FARS2: variants seen among roughly 807,000 people sequenced by gnomAD.
The protein encoded by FARS2 is phenylalanine--tRNA ligase, mitochondrial.
Under a neutral mutation model 46.4 loss-of-function variants are expected in FARS2, and 40 were observed. The observed-to-expected ratio is 0.86, with a 90% CI of 0.67 to 1.12. The LOEUF (loss-of-function observed/expected upper bound fraction) is 1.12, where lower values mean the gene tolerates loss of function less well. FARS2 is among the 50% of genes most tolerant of loss of function. The probability of loss-of-function intolerance (pLI) is 0.00; values close to 1 mark genes in which losing one functional copy is unlikely to be tolerated. For missense variants in FARS2, 513 were observed against 567.9 expected (o/e 0.90, Z 0.98); for synonymous variants, 234 against 214.9 (o/e 1.09, Z -0.78).
At chr6:5,543,373 G>A (rs1312900209) in intron 4 of FARS2, among the ~76,000 whole-genome samples, 1 of 116,046 alleles carries the variant, frequency 8.6e-6, no homozygotes, top group Non-Finnish European at 1.8e-5. Flanking sequence ...TGTTGTTGGT[G>A]GTGGTTTTTT....
chr6:5,596,072 G>A (rs909896642), intron 5 of FARS2, among the ~76,000 whole-genome samples: 3 of 152,198 alleles, frequency 2.0e-5, no homozygotes, highest in African/African-American at 7.2e-5. Flanking sequence ...ATTCAATGAG[G>A]TAAGGATATT....
chr6:5,520,172 T>C (rs1222468976), intron 4 of FARS2, among the ~76,000 whole-genome samples: 8 of 152,180 alleles, frequency 5.3e-5, no homozygotes, highest in Admixed American at 5.2e-4. Context: ...AAAGATTGAG[T>C]TTGAACTGAA....
intron 5 of FARS2, among the ~76,000 whole-genome samples, chr6:5,568,406 C>G (rs1582468184): frequency 6.6e-6 from 1 of 152,172 alleles, no homozygotes; most frequent in East Asian, 1.9e-4. Context: ...TGCTCTTGTG[C>G]CAGGCACCGT....
chr6:5,557,635 G>C (rs893498062), intron 5 of FARS2, among the ~76,000 whole-genome samples: 1 of 152,118 alleles, frequency 6.6e-6, no homozygotes, highest in Non-Finnish European at 1.5e-5. Flanking sequence ...TCTTGTTACT[G>C]TAGATATTTT....
intron 2 of FARS2, among the ~76,000 whole-genome samples, chr6:5,373,561 G>A (rs1442993655): frequency 1.3e-5 from 2 of 152,116 alleles, no homozygotes; most frequent in African/African-American, 4.8e-5. Flanking sequence ...TAAGTACTAG[G>A]AAATGTTTAA....
intron 6 of FARS2, among the ~76,000 whole-genome samples, chr6:5,614,271 T>A (rs889528324): frequency 1.5e-4 from 23 of 152,258 alleles, no homozygotes; most frequent in Middle Eastern, 3.4e-3. Flanking sequence ...GAAGAAACAG[T>A]CACCAAATCC....
intron 6 of FARS2, among the ~76,000 whole-genome samples, chr6:5,770,195 C>T (rs1490965514): frequency 6.6e-6 from 1 of 152,132 alleles, no homozygotes; most frequent in African/African-American, 2.4e-5. Context: ...TGGCCTAGGT[C>T]CAGCTCAATC....
At chr6:5,274,220 A>G (rs887769721) in intron 1 of FARS2, among the ~76,000 whole-genome samples, 8 of 152,194 alleles carry the variant, frequency 5.3e-5, no homozygotes, top group Admixed American at 4.6e-4. Flanking sequence ...CATCAGCCAT[A>G]TCAACCGTAC....
At chr6:5,360,650 A>G (rs1758238759) in intron 1 of FARS2, among the ~76,000 whole-genome samples, 1 of 152,194 alleles carries the variant, frequency 6.6e-6, no homozygotes, top group South Asian at 2.1e-4. Flanking sequence ...CTGTAAGAAT[A>G]ACCCCCAAGT....
intron 4 of FARS2, among the ~76,000 whole-genome samples, chr6:5,490,134 T>G (rs1767013185): frequency 6.6e-6 from 1 of 152,244 alleles, no homozygotes; most frequent in South Asian, 2.1e-4. Context: ...ATGTCATATA[T>G]ATGGACTTGG....
chr6:5,488,104 T>C (rs1766887979), intron 4 of FARS2, among the ~76,000 whole-genome samples: 1 of 152,188 alleles, frequency 6.6e-6, no homozygotes, highest in South Asian at 2.1e-4. Context: ...ATGTGTTTTC[T>C]CCTGTGCCCT....
At chr6:5,695,927 A>G (rs1196162014) in intron 6 of FARS2, among the ~76,000 whole-genome samples, 2 of 152,260 alleles carry the variant, frequency 1.3e-5, no homozygotes, top group African/African-American at 4.8e-5. Context: ...ACAGTCGGTG[A>G]GCACGAGACA....
chr6:5,647,889 G>T (rs1252344102), intron 6 of FARS2, among the ~76,000 whole-genome samples: 1 of 152,148 alleles, frequency 6.6e-6, no homozygotes, highest in African/African-American at 2.4e-5. Context: ...ATGGAATCTG[G>T]AGCCACATCA....
At chr6:5,309,742 A>G (rs1214942515) in intron 1 of FARS2, among the ~76,000 whole-genome samples, 1 of 133,672 alleles carries the variant, frequency 7.5e-6, no homozygotes, top group Non-Finnish European at 1.6e-5. Context: ...GGAAGACAAT[A>G]TTGAAAGATA....
intron 1 of FARS2, among the ~76,000 whole-genome samples, chr6:5,262,275 C>T (rs752139984): frequency 6.6e-6 from 1 of 152,062 alleles, no homozygotes; most frequent in Non-Finnish European, 1.5e-5. Flanking sequence ...AGGAACTTTT[C>T]TGTTTCCTTT....
At chr6:5,353,901 G>A (rs915433271) in intron 1 of FARS2, among the ~76,000 whole-genome samples, 1 of 150,448 alleles carries the variant, frequency 6.6e-6, no homozygotes, top group Non-Finnish European at 1.5e-5. Context: ...AAAGCCCAAG[G>A]CAGAAGGACA....
intron 1 of FARS2, among the ~76,000 whole-genome samples, chr6:5,307,556 CA>C (rs549580859): frequency 9.1e-4 from 139 of 152,300 alleles, no homozygotes; most frequent in African/African-American, 3.2e-3. Context: ...TGCAAGTTGC[CA>C]CTAGTAATCT....
intron 1 of FARS2, among the ~76,000 whole-genome samples, chr6:5,338,839 C>T (rs1008025430): frequency 2.0e-5 from 3 of 152,168 alleles, no homozygotes; most frequent in Middle Eastern, 3.2e-3. Flanking sequence ...CTTTGGTGCT[C>T]AGTGCCTTGG....
At chr6:5,375,699 A>AT (rs1759333600) in intron 2 of FARS2, among the ~76,000 whole-genome samples, 1 of 152,134 alleles carries the variant, frequency 6.6e-6, no homozygotes, top group African/African-American at 2.4e-5. Context: ...CTTATGAAAT[A>AT]TAAGTGATAT....
Sources: gnomAD v4.1 joint callset for allele counts (sites outside exome capture counted in the v4.1 genomes callset) on GRCh38, gnomAD v4.1.1 for gene constraint, MANE v1.5 for transcripts, NCBI Gene and HGNC (gene_info 2026-07-23, HGNC 2026-07-21) for gene names.